Variants in MTUS2 observed in about 807,000 individuals in gnomAD.
MTUS2 encodes microtubule associated scaffold protein 2, also known as microtubule-associated tumor suppressor candidate 2.
MTUS2 carries 40 observed loss-of-function variants against 114.1 expected under a neutral mutation model. The observed-to-expected ratio is 0.35, with a 90% CI of 0.27 to 0.46. The LOEUF (loss-of-function observed/expected upper bound fraction) is 0.46, where lower values mean the gene tolerates loss of function less well. Among genes scored for constraint, MTUS2 ranks in the 20% least tolerant of loss-of-function variants. The pLI is 1.00. For synonymous variants in MTUS2, 688 were observed against 672.0 expected, an observed-to-expected ratio of 1.02 and a Z score of -0.37; for missense variants, 1,679 against 1,705.4, an observed-to-expected ratio of 0.98 and a Z score of 0.27.
chr13:29,127,706 A>C (rs950306935), intron 5 of MTUS2, among the ~76,000 whole-genome samples: 1 of 152,162 alleles, frequency 6.6e-6, no homozygotes, highest in Non-Finnish European at 1.5e-5. Flanking sequence ...GCAGCCTCTC[A>C]CAGCTTGCAC....
chr13:28,974,875 A>T (rs1270686071), intron 2 of MTUS2, among the ~76,000 whole-genome samples: 1 of 143,308 alleles, frequency 7.0e-6, no homozygotes, highest in Admixed American at 7.0e-5. Context: ...ACATTAATAG[A>T]TTAGATAGTC....
rs188779513 is a variant in MTUS2 at position 29,233,680 on chromosome 13, G to T, written c.2645-48024G>T. 1.6e-4 allele frequency among the ~76,000 whole-genome samples: 25 copies of T among 152,200 alleles called. No individual in the cohort carries two copies. In the East Asian group the frequency reaches 4.2e-3, roughly 26 times the overall value. ...GATCCAATCTCAGCTTTTTAATTCT[G>T]TCTAAGAAGTTGCTATTTCCAGGGA... On this transcript the variant is annotated intron_variant, in intron 5 of 15. Coordinates refer to ENST00000612955, the MANE Select transcript of MTUS2 (RefSeq NM_001033602.4).
intron 9 of MTUS2, among the ~76,000 whole-genome samples, chr13:29,460,734 A>G (rs1205373973): frequency 6.6e-6 from 1 of 152,174 alleles, no homozygotes; most frequent in East Asian, 1.9e-4. Context: ...ATGCAGACAC[A>G]CAAGGCCCAG....
intron 6 of MTUS2, among the ~76,000 whole-genome samples, chr13:29,313,369 A>G (rs1373266805): frequency 1.3e-5 from 2 of 152,222 alleles, no homozygotes; most frequent in African/African-American, 4.8e-5. Context: ...ATCATTATTT[A>G]TGGCTTGGGC....
At chr13:29,277,675 TTCCCAGCC>T (rs1453959186) in intron 5 of MTUS2, among the ~76,000 whole-genome samples, 3 of 152,176 alleles carry the variant, frequency 2.0e-5, no homozygotes, top group Non-Finnish European at 4.4e-5. Context: ...TAAAGTACAT[TTCCCAGCC>T]TCCCTTGATG....
intron 2 of MTUS2, among the ~76,000 whole-genome samples, chr13:28,844,073 G>A (rs1330273332): frequency 1.3e-5 from 2 of 152,286 alleles, no homozygotes; most frequent in Middle Eastern, 3.4e-3. Context: ...TTCAAATGTT[G>A]TATGAGTTAT....
Position 29,024,972 on chromosome 13 carries a change from T to TCTG in MTUS2, c.276_278dup (p.Ala93dup). Reference sequence around the variant, plus strand: ...CTTTGGGAAAGGCTCTCAGGCTGGCTCTGCCAGCCTGAAAGATTTTAGACT... The same window carrying TCTG: ...CTTTGGGAAAGGCTCTCAGGCTGGCTCTGCTGCCAGCCTGAAAGATTTTAGACT... On this transcript the variant is annotated inframe_insertion, in exon 3 of 16. Transcript: ENST00000612955. The TCTG allele has an allele frequency of 4.3e-6, 7 of 1,612,536 alleles. No homozygotes were observed. The highest frequency in any genetic ancestry group is 5.9e-6 in the Non-Finnish European group (7 of 1,179,496).
At chr13:29,435,612 T>C (rs1224152679) in intron 8 of MTUS2, among the ~76,000 whole-genome samples, 1 of 152,212 alleles carries the variant, frequency 6.6e-6, no homozygotes, top group East Asian at 1.9e-4. Flanking sequence ...CAAAGAGCAG[T>C]AAATGGAAGA....
chr13:29,132,120 C>T (rs1891790559), intron 5 of MTUS2, among the ~76,000 whole-genome samples: 1 of 152,168 alleles, frequency 6.6e-6, no homozygotes, highest in African/African-American at 2.4e-5. Context: ...GTTTCATATA[C>T]TTGTGTCTGT....
chr13:29,408,400 C>T (rs1389246921), intron 8 of MTUS2, among the ~76,000 whole-genome samples: 1 of 152,192 alleles, frequency 6.6e-6, no homozygotes. Flanking sequence ...ACTGCGGCCT[C>T]CATCTCCTGG....
intron 5 of MTUS2, among the ~76,000 whole-genome samples, chr13:29,213,468 C>G (rs150966968): frequency 1.6e-3 from 247 of 152,328 alleles, no homozygotes; most frequent in African/African-American, 5.7e-3. Context: ...GCAGACTTGT[C>G]TATTTCCTTT....
chr13:28,867,037 A>G (rs1047049665), intron 2 of MTUS2, among the ~76,000 whole-genome samples: 1 of 152,242 alleles, frequency 6.6e-6, no homozygotes, highest in Non-Finnish European at 1.5e-5. Context: ...CTGCTGAACC[A>G]TAAAAACATT....
intron 15 of MTUS2, among the ~76,000 whole-genome samples, chr13:29,502,591 C>T (rs953060799): frequency 2.6e-5 from 4 of 152,240 alleles, no homozygotes; most frequent in Admixed American, 1.3e-4. Flanking sequence ...CAGGAAGGCC[C>T]GCGGCTCTTC....
chr13:29,250,606 T>C (rs1438198701), intron 5 of MTUS2: 1 of 151,562 alleles, frequency 6.6e-6, no homozygotes, highest in Non-Finnish European at 1.5e-5. Flanking sequence ...AAAAGTAGAA[T>C]TCTCACCTTT....
intron 8 of MTUS2, among the ~76,000 whole-genome samples, chr13:29,387,137 T>A (rs1389453678): frequency 6.6e-6 from 1 of 152,136 alleles, no homozygotes; most frequent in African/African-American, 2.4e-5. Flanking sequence ...CTGAAAGATA[T>A]GCGTAAATTC....
chr13:29,412,206 C>G (rs1875294636), intron 8 of MTUS2, among the ~76,000 whole-genome samples: 1 of 152,120 alleles, frequency 6.6e-6, no homozygotes, highest in African/African-American at 2.4e-5. Flanking sequence ...AAAATAGTGG[C>G]TTTAGAACTA....
chr13:29,285,021 A>T (rs1018003572), intron 6 of MTUS2, among the ~76,000 whole-genome samples: 3 of 152,142 alleles, frequency 2.0e-5, no homozygotes, highest in Non-Finnish European at 4.4e-5. Context: ...GCTAAGAAGA[A>T]TATAAAAACT....
chr13:29,503,251 T>TCTCCTCCCTCA lies in MTUS2; in HGVS notation c.*49_*50insTCCCTCACTCC, dbSNP rs1358854218. The TCTCCTCCCTCA allele has an allele frequency of 6.3e-7, 1 of 1,599,274 alleles. No individual in the cohort carries two copies. The highest frequency in any genetic ancestry group is 8.5e-7 in the Non-Finnish European group (1 of 1,171,758). On this transcript the variant is annotated 3_prime_UTR_variant, in exon 16 of 16. Coordinates refer to ENST00000612955, the MANE Select transcript of MTUS2 (RefSeq NM_001033602.4). ...GGAGCTCCGGCTTCTCGTCCTCCGG[T>TCTCCTCCCTCA]CTCCACCCTGAGGGAGCACCGACCC...
At chr13:28,892,817 C>T (rs1228139562) in intron 2 of MTUS2, among the ~76,000 whole-genome samples, 2 of 152,172 alleles carry the variant, frequency 1.3e-5, no homozygotes, top group East Asian at 3.9e-4. Context: ...GACTCTAAAA[C>T]AAGGCAGAAA....
Sources: gnomAD v4.1 joint callset for allele counts (sites outside exome capture counted in the v4.1 genomes callset) on GRCh38, gnomAD v4.1.1 for gene constraint, MANE v1.5 for transcripts, NCBI Gene and HGNC (gene_info 2026-07-23, HGNC 2026-07-21) for gene names.